The following KIF5C variants were observed in gnomAD, a reference collection of about 807,000 sequenced individuals.
The protein encoded by KIF5C is kinesin heavy chain isoform 5C.
KIF5C carries 18 observed loss-of-function variants against 125.2 expected under a neutral mutation model. The ratio of observed to expected loss-of-function variants is 0.14; its 90% CI spans 0.10 to 0.21. The LOEUF (loss-of-function observed/expected upper bound fraction) is 0.21. KIF5C is among the 10% of genes least tolerant of loss of function. The probability of loss-of-function intolerance (pLI) is 1.00; values close to 1 mark genes in which losing one functional copy is unlikely to be tolerated. For missense variants in KIF5C, 780 were observed against 1,183.8 expected (o/e 0.66, Z 5.01); for synonymous variants, 405 against 434.0 (o/e 0.93, Z 0.83).
At chr2:148,939,725 C>T (rs558781903) in intron 4 of KIF5C, among the ~76,000 whole-genome samples, 50 of 152,222 alleles carry the variant, frequency 3.3e-4, no homozygotes, top group African/African-American at 1.2e-3. Flanking sequence ...TATTCTGAAC[C>T]GGATAGTGAG....
chr2:148,875,575 G>GGGGC lies in KIF5C; in HGVS notation c.-43_-42insGGGC. On this transcript the variant is annotated 5_prime_UTR_variant, in exon 1 of 26. Transcript: ENST00000435030. ...TCCTCCCTCGTCGTTCCCGGCCCCG[G>GGGGC]CCCCCCACCCATCCCCGTGCCCCCT... 3 of 699,604 alleles carry GGGGC rather than the reference G, an allele frequency of 4.3e-6. No individual in the cohort carries two copies. The highest frequency in any genetic ancestry group is 3.0e-5 in the East Asian group (1 of 33,466). The allele number at this position is 699,604 out of a possible 1,614,324, so 43.3% of individuals were successfully genotyped here. A position where few individuals can be genotyped will look rare whatever the true frequency, so the allele number is the denominator to read the frequency against.
At position 149,025,837 on chromosome 2, in the gene KIF5C, A is replaced by G. The variant is rs1682673380; in HGVS notation, c.*2767A>G. 1 of 152,662 alleles carries G rather than the reference A, an allele frequency of 6.6e-6. No homozygotes were observed. The highest frequency in any genetic ancestry group is 2.1e-4 in the South Asian group (1 of 4,832). The allele number at this position is 152,662 out of a possible 1,614,324, so 9.5% of individuals were successfully genotyped here. On this transcript the variant is annotated 3_prime_UTR_variant, in exon 26 of 26. Transcript: ENST00000435030. ...TTACTAGAGAATTCTGTGCAAACAT[A>G]TCATCTCTTCAAATGCTGCACACTT...
chr2:148,925,998 G>A (rs1014369975), intron 2 of KIF5C, among the ~76,000 whole-genome samples: 2 of 152,172 alleles, frequency 1.3e-5, no homozygotes, highest in Middle Eastern at 3.2e-3. Context: ...GTGGTTTGGT[G>A]ACTGGTGAGG....
intron 1 of KIF5C, among the ~76,000 whole-genome samples, chr2:148,918,006 C>T (rs1262501890): frequency 1.3e-5 from 2 of 152,156 alleles, no homozygotes; most frequent in African/African-American, 4.8e-5. Flanking sequence ...ATATTCCTTC[C>T]AGGCTGGGAA....
chr2:149,004,820 G>A (rs1246660624), intron 21 of KIF5C, among the ~76,000 whole-genome samples: 2 of 152,106 alleles, frequency 1.3e-5, no homozygotes, highest in East Asian at 3.8e-4. Context: ...AGAAAACTGA[G>A]GCACAGAAAG....
intron 17 of KIF5C, among the ~76,000 whole-genome samples, chr2:148,996,815 T>TAA (rs1681687743): frequency 6.6e-6 from 1 of 151,840 alleles, no homozygotes; most frequent in Non-Finnish European, 1.5e-5. Flanking sequence ...CCATGGGAGG[T>TAA]AAATTAGGTC....
At chr2:148,939,395 G>A (rs952989236) in intron 4 of KIF5C, among the ~76,000 whole-genome samples, 1 of 152,206 alleles carries the variant, frequency 6.6e-6, no homozygotes, top group African/African-American at 2.4e-5. Flanking sequence ...ACAGAAGCTT[G>A]TTGCTTTGAT....
intron 10 of KIF5C, among the ~76,000 whole-genome samples, chr2:148,959,639 G>C (rs528042969): frequency 6.6e-6 from 1 of 152,208 alleles, no homozygotes; most frequent in South Asian, 2.1e-4. Context: ...ATGGAAGTTG[G>C]GTTGCGCATC....
intron 16 of KIF5C, among the ~76,000 whole-genome samples, chr2:148,993,506 C>T (rs1262318001): frequency 6.6e-6 from 1 of 152,194 alleles, no homozygotes; most frequent in Non-Finnish European, 1.5e-5. Flanking sequence ...AGGAATCTGA[C>T]ACAGTCTTTC....
chr2:148,915,020 A>G (rs1168336355), intron 1 of KIF5C, among the ~76,000 whole-genome samples: 3 of 152,218 alleles, frequency 2.0e-5, no homozygotes, highest in Non-Finnish European at 2.9e-5. Context: ...TTTTGCCCCA[A>G]TGTGCAAAGT....
chr2:148,927,361 G>T (rs1682043066), intron 2 of KIF5C, among the ~76,000 whole-genome samples: 1 of 152,154 alleles, frequency 6.6e-6, no homozygotes, highest in Admixed American at 6.5e-5. Flanking sequence ...TTGCAGGGTG[G>T]CTAGCAGAGG....
chr2:148,990,249 A>C (rs145441250), intron 15 of KIF5C, among the ~76,000 whole-genome samples: 39 of 152,334 alleles, frequency 2.6e-4, no homozygotes, highest in African/African-American at 8.9e-4. Context: ...CTAAATATAG[A>C]TCATGCGGGA....
chr2:148,901,215 T>G (rs1425132929), intron 1 of KIF5C, among the ~76,000 whole-genome samples: 1 of 152,224 alleles, frequency 6.6e-6, no homozygotes, highest in Non-Finnish European at 1.5e-5. Flanking sequence ...TTCCATGTAC[T>G]GATATATGGA....
intron 1 of KIF5C, among the ~76,000 whole-genome samples, chr2:148,882,921 C>T (rs1475834414): frequency 5.3e-5 from 8 of 152,206 alleles, no homozygotes; most frequent in Middle Eastern, 3.4e-3. Flanking sequence ...CTCCAAGACC[C>T]GGAACAAGGC....
At position 149,000,758 on chromosome 2, in the gene KIF5C, C is replaced by T. The variant is rs765664231; in HGVS notation, c.2349C>T (p.Asp783=). 1.2e-5 allele frequency: 20 copies of T among 1,613,912 alleles called. No homozygotes were observed. Among genetic ancestry groups the T allele is most frequent in the Middle Eastern group, 3.3e-4 (2 of 6,062 alleles). Residue 783 remains aspartate, a synonymous_variant, in exon 21 of 26, where the codon GAC becomes GAT. Transcript: ENST00000435030. ...ATAAAAGGGAACAAGCCAGAGAAGA[C>T]CTCAAAGGGCTGGAGGAGACAGTGG... ...LNDKREQARE[D]LKGLEETVSR...
intron 7 of KIF5C, among the ~76,000 whole-genome samples, chr2:148,945,026 A>G (rs1294687377): frequency 6.6e-6 from 1 of 152,082 alleles, no homozygotes; most frequent in East Asian, 1.9e-4. Flanking sequence ...GGAGTTCTCT[A>G]TGTATTCTGG....
intron 10 of KIF5C, among the ~76,000 whole-genome samples, chr2:148,951,106 A>G (rs926249386): frequency 6.6e-6 from 1 of 152,140 alleles, no homozygotes; most frequent in Non-Finnish European, 1.5e-5. Context: ...GGTTCATATT[A>G]TTTCAAGTGT....
At chr2:148,952,377 T>A (rs1682685621) in intron 10 of KIF5C, among the ~76,000 whole-genome samples, 1 of 152,170 alleles carries the variant, frequency 6.6e-6, no homozygotes, top group Non-Finnish European at 1.5e-5. Flanking sequence ...GGCATTGCTG[T>A]TATCAGGAGG....
chr2:148,978,325 T>C (rs913111076), intron 12 of KIF5C, among the ~76,000 whole-genome samples: 6 of 137,978 alleles, frequency 4.3e-5, no homozygotes, highest in African/African-American at 1.6e-4. Context: ...GTCCCTCAGC[T>C]GCCCTGAGGT....
Sources: gnomAD v4.1 joint callset for allele counts (sites outside exome capture counted in the v4.1 genomes callset) on GRCh38, gnomAD v4.1.1 for gene constraint, MANE v1.5 for transcripts, NCBI Gene and HGNC (gene_info 2026-07-23, HGNC 2026-07-21) for gene names.